The following CEP104 variants were observed in gnomAD, a reference collection of about 807,000 sequenced individuals.
CEP104 encodes the protein centrosomal protein of 104 kDa.
In CEP104, 84 loss-of-function variants were observed where a neutral mutation model predicts 113.3. The ratio of observed to expected loss-of-function variants is 0.74; its 90% CI spans 0.62 to 0.89. The LOEUF is 0.89. Among genes scored for constraint, CEP104 ranks in the 40% least tolerant of loss-of-function variants. The probability of loss-of-function intolerance (pLI) is 0.00; values close to 1 mark genes in which losing one functional copy is unlikely to be tolerated. For missense variants in CEP104, 1,053 were observed against 1,156.6 expected, an observed-to-expected ratio of 0.91 and a Z score of 1.30; for synonymous variants, 378 against 421.7, an observed-to-expected ratio of 0.90 and a Z score of 1.27.
Position 3,841,727 on chromosome 1 carries a change from C to T in CEP104, c.567-1951G>A, listed in dbSNP as rs79294614. Among the ~76,000 whole-genome samples the T allele has an allele frequency of 5.3e-5, 8 of 152,228 alleles. No homozygotes were observed. In the East Asian group the frequency reaches 5.8e-4, roughly 11 times the overall value. On this transcript the variant is annotated intron_variant, in intron 6 of 21. Coordinates refer to ENST00000378230, the MANE Select transcript of CEP104 (RefSeq NM_014704.4). ...CTTGCACTTAACCTTCATAAAACCC[C>T]GGGCGTGGGGCAGGACAGGCAAACC...
At chr1:3,816,415 C>G (rs375753883) in intron 20 of CEP104, 45 bp from the exon 21 acceptor site, 2 of 1,463,394 alleles carry the variant, frequency 1.4e-6, no homozygotes, top group African/African-American at 2.8e-5. Context: ...GCGAGACGGA[C>G]CTGGCACGCT....
Position 3,829,904 on chromosome 1 carries a change from T to C in CEP104, c.1930A>G (p.Ile644Val), listed in dbSNP as rs749599392. 2 of 1,614,066 alleles carry C rather than the reference T, an allele frequency of 1.2e-6. No individual in the cohort carries two copies. The highest frequency in any genetic ancestry group is 1.7e-6 in the Non-Finnish European group (2 of 1,180,036). Residue 644 changes from isoleucine (I) to valine (V), a missense_variant, in exon 14 of 22, where the codon ATC becomes GTC. By Grantham distance (29) the Ile-to-Val change is conservative. Transcript: ENST00000378230. ...LDMYRQHQAS[I>V]LEYLPPDDSN... Reference sequence around the variant, plus strand: ...TCGTCTGGAGGAAGGTACTCCAGGATGGAAGCCTGGTGCTGTCTGTACATG... The same window carrying C: ...TCGTCTGGAGGAAGGTACTCCAGGACGGAAGCCTGGTGCTGTCTGTACATG...
At chr1:3,831,288 A>G in intron 12 of CEP104, 66 bp from the exon 13 acceptor site, 1 of 1,427,744 alleles carries the variant, frequency 7.0e-7, no homozygotes, top group Non-Finnish European at 9.7e-7. Flanking sequence ...AGTACAATTC[A>G]GCATGATCTT....
intron 12 of CEP104, among the ~76,000 whole-genome samples, chr1:3,831,859 T>G (rs911892856): frequency 6.6e-6 from 1 of 152,218 alleles, no homozygotes; most frequent in African/African-American, 2.4e-5. Flanking sequence ...TAATCTCTTA[T>G]CGTGCTGGCC....
chr1:3,818,279 C>T (rs776337232), intron 20 of CEP104, among the ~76,000 whole-genome samples: 1 of 152,218 alleles, frequency 6.6e-6, no homozygotes, highest in Non-Finnish European at 1.5e-5. Context: ...TGACCTTAAA[C>T]CCACTTCTTA....
intron 20 of CEP104, among the ~76,000 whole-genome samples, chr1:3,822,230 T>TGACAGACAGACAGAGG (rs61594659): frequency 6.6e-6 from 1 of 151,138 alleles, no homozygotes; most frequent in East Asian, 2.0e-4. Flanking sequence ...AGAGAGAGAC[T>TGACAGACAGACAGAGG]GACAGACAGA....
chr1:3,829,690 T>C lies in CEP104; in HGVS notation c.2043+101A>G, dbSNP rs2275830. On this transcript the variant is annotated intron_variant, in intron 14 of 21. Coordinates refer to ENST00000378230, the MANE Select transcript of CEP104 (RefSeq NM_014704.4). The stretch of plus-strand genomic sequence containing the variant: ...CCAGGACGCCGGGGCTTCCCATACA[T>C]GTGGCTCCTTCAAATGACATATTTA... The C allele has an allele frequency of 0.91, 1,139,792 of 1,250,288 alleles. 525,806 individuals are homozygous for C. Among genetic ancestry groups the C allele is most frequent in the Non-Finnish European group, 0.95 (823,707 of 864,306 alleles). 77.4% of individuals were successfully genotyped at this position (1,250,288 alleles called of 1,614,324 possible).
At chr1:3,846,740 C>T (rs917448180) in intron 4 of CEP104, among the ~76,000 whole-genome samples, 3 of 152,168 alleles carry the variant, frequency 2.0e-5, no homozygotes, top group Admixed American at 6.5e-5. Context: ...CCAGCTCACC[C>T]GCTTGGTCTA....
intron 4 of CEP104, among the ~76,000 whole-genome samples, 175 bp downstream of exon 4, chr1:3,847,300 G>T (rs12047360): frequency 5.3e-5 from 8 of 152,050 alleles, no homozygotes; most frequent in Admixed American, 2.6e-4. Context: ...CACTGGCCAC[G>T]TGTGCCCAGA....
At chr1:3,832,002 G>A (rs541143444) in intron 12 of CEP104, among the ~76,000 whole-genome samples, 1 of 152,258 alleles carries the variant, frequency 6.6e-6, no homozygotes, top group Non-Finnish European at 1.5e-5. Flanking sequence ...TGTGTATTTC[G>A]TCCACTAACC....
Position 3,833,946 on chromosome 1 carries a change from A to G in CEP104, c.1575T>C (p.Cys525=), listed in dbSNP as rs1321309864. 3 of 1,614,020 alleles carry G rather than the reference A, an allele frequency of 1.9e-6. No homozygotes were observed. Among genetic ancestry groups the G allele is most frequent in the Non-Finnish European group, 2.5e-6 (3 of 1,179,940 alleles). ...HKLSKLETAH[C]VERTIPVLLT... ...GCAAAACGGGAATGGTCCTCTCCAC[A>G]CAGTGAGCTGTTTCAAGTTTACTCA... The change falls in exon 12 of 22, where the codon TGT becomes TGC. Residue 525 remains cysteine (C), a synonymous_variant. Transcript: ENST00000378230.
chr1:3,825,858 A>T lies in CEP104; in HGVS notation c.2264T>A (p.Ile755Asn). ...PDEHYLDNLC[I>N]FCGERSESFT... ...GGATTCACTCCTTTCCCCACAAAAA[A>T]TACACAAACTGAAAGCAAAGCAAAG... is the stretch of plus-strand genomic sequence containing the variant. The change falls in exon 18 of 22, where the codon ATT (isoleucine) becomes AAT (asparagine). Residue 755 changes from isoleucine (I) to asparagine (N), a missense_variant. By Grantham distance (149) the Ile-to-Asn change is moderately radical. Transcript: ENST00000378230. 1.2e-6 allele frequency: 2 copies of T among 1,610,946 alleles called. No homozygotes were observed. The highest frequency in any genetic ancestry group is 1.7e-6 in the Non-Finnish European group (2 of 1,177,068).
chr1:3,815,562 C>A, intron 21 of CEP104, 45 bp from the exon 22 acceptor site: 1 of 1,380,088 alleles, frequency 7.2e-7, no homozygotes. Flanking sequence ...GCACTCCTAC[C>A]CACGGACCAG....
chr1:3,826,669 C>A, intron 16 of CEP104, 39 bp downstream of exon 16: 4 of 1,610,480 alleles, frequency 2.5e-6, no homozygotes, highest in Non-Finnish European at 3.4e-6. Context: ...CGATTCTTTA[C>A]ACACCCCAGT....
intron 13 of CEP104, among the ~76,000 whole-genome samples, 155 bp downstream of exon 13, chr1:3,830,891 T>TG (rs1644192887): frequency 6.6e-6 from 1 of 152,110 alleles, no homozygotes; most frequent in African/African-American, 2.4e-5. Context: ...AGGACGCATG[T>TG]GGGGGCCCCC....
chr1:3,840,604 C>T (rs923090591), intron 6 of CEP104, among the ~76,000 whole-genome samples: 2 of 151,756 alleles, frequency 1.3e-5, no homozygotes, highest in African/African-American at 4.8e-5. Flanking sequence ...GTGGCATGAT[C>T]TTGGGCTCAC....
Position 3,815,409 on chromosome 1 carries a change from T to A in CEP104, c.2771A>T (p.Lys924Met). 5 of 1,610,804 alleles carry A rather than the reference T, an allele frequency of 3.1e-6. No individual in the cohort carries two copies. The highest frequency in any genetic ancestry group is 4.2e-6 in the Non-Finnish European group (5 of 1,178,976). The change falls in exon 22 of 22, where the codon AAG becomes ATG. Residue 924 changes from lysine to methionine, a missense_variant. Coordinates refer to ENST00000378230, the MANE Select transcript of CEP104 (RefSeq NM_014704.4). ...AGGAGCCCGAGCGCCGCGTCAGCGC[T>A]TGGCGTACGTCCTGCTGGAGCTCTT... ...LSKSSSRTYA[K>M]R
At chr1:3,833,128 G>A (rs566329922) in intron 12 of CEP104, among the ~76,000 whole-genome samples, 1 of 152,006 alleles carries the variant, frequency 6.6e-6, no homozygotes, top group South Asian at 2.1e-4. Context: ...CGACAGGCAC[G>A]CACCACCACA....
chr1:3,836,791 G>A, intron 9 of CEP104, 99 bp from the exon 10 acceptor site: 1 of 927,216 alleles, frequency 1.1e-6, no homozygotes, highest in Non-Finnish European at 1.6e-6. Flanking sequence ...TTACTTACCT[G>A]ATCTGAAAGA....
Sources: gnomAD v4.1 joint callset for allele counts (sites outside exome capture counted in the v4.1 genomes callset) on GRCh38, gnomAD v4.1.1 for gene constraint, MANE v1.5 for transcripts, NCBI Gene and HGNC (gene_info 2026-07-23, HGNC 2026-07-21) for gene names.